VKORC1L1: variants seen among roughly 807,000 people sequenced by gnomAD.
VKORC1L1 encodes vitamin K epoxide reductase complex subunit 1-like protein 1.
A neutral mutation model predicts 18.9 loss-of-function variants in VKORC1L1; 2 were observed. The ratio of observed to expected loss-of-function variants is 0.11; its 90% CI spans 0.04 to 0.33. The LOEUF (loss-of-function observed/expected upper bound fraction) is 0.33. Among genes scored for constraint, VKORC1L1 ranks in the 10% least tolerant of loss-of-function variants. The pLI is 1.00. For synonymous variants in VKORC1L1, 96 were observed against 100.0 expected, an observed-to-expected ratio of 0.96 and a Z score of 0.24; for missense variants, 123 against 224.1, an observed-to-expected ratio of 0.55 and a Z score of 2.88.
At chr7:65,882,100 C>T (rs1788938054) in intron 1 of VKORC1L1, among the ~76,000 whole-genome samples, 1 of 150,352 alleles carries the variant, frequency 6.7e-6, no homozygotes, top group South Asian at 2.1e-4. Flanking sequence ...ATAAAATAGA[C>T]TGGGTGTAGT....
chr7:65,959,422 G>GAACA lies in VKORC1L1; in HGVS notation c.*5123_*5126dup, dbSNP rs1257216531. 3 of 152,102 alleles carry GAACA rather than the reference G, an allele frequency of 2.0e-5. No individual in the cohort carries two copies. The highest frequency in any genetic ancestry group is 7.2e-5 in the African/African-American group (3 of 41,406). The allele number at this position is 152,102 out of a possible 1,614,324, so 9.4% of individuals were successfully genotyped here. A position where few individuals can be genotyped will look rare whatever the true frequency, so the allele number is the denominator to read the frequency against. ...TTATTCATTATACTTTGACATACTG[G>GAACA]AACACAAAACTTGATTCCTTTGAAA... On this transcript the variant is annotated 3_prime_UTR_variant, in exon 3 of 3. Transcript: ENST00000360768.
At chr7:65,946,350 G>A (rs1417103156) in intron 1 of VKORC1L1, among the ~76,000 whole-genome samples, 3 of 152,020 alleles carry the variant, frequency 2.0e-5, no homozygotes, top group Non-Finnish European at 2.9e-5. Flanking sequence ...GGTCCTTCCC[G>A]ACCATCAAGC....
chr7:65,954,008 C>T, intron 2 of VKORC1L1, 66 bp from the exon 3 acceptor site: 4 of 1,436,364 alleles, frequency 2.8e-6, no homozygotes, highest in Non-Finnish European at 3.8e-6. Context: ...AGTGTTATTC[C>T]TTGTCACTCA....
rs1019474862 is a variant in VKORC1L1 at position 65,956,717 on chromosome 7, C to T, written c.*2417C>T. ...TGCCCTGGAGAATTCAGATTCCTTT[C>T]TATACCTCCGATTCTGCCCAGAAGA... On this transcript the variant is annotated 3_prime_UTR_variant, in exon 3 of 3. Coordinates refer to ENST00000360768, the MANE Select transcript of VKORC1L1 (RefSeq NM_173517.6). 2.0e-5 allele frequency: 3 copies of T among 152,152 alleles called. No individual in the cohort carries two copies. The highest frequency in any genetic ancestry group is 4.4e-5 in the Non-Finnish European group (3 of 68,038). 9.4% of individuals were successfully genotyped at this position (152,152 alleles called of 1,614,324 possible).
At chr7:65,947,365 G>C (rs888975895) in intron 1 of VKORC1L1, among the ~76,000 whole-genome samples, 11 of 147,666 alleles carry the variant, frequency 7.4e-5, no homozygotes, top group African/African-American at 2.7e-4. Flanking sequence ...CAGAACCAAA[G>C]TTTAGATTTT....
At chr7:65,915,633 G>GTTTT (rs34639789) in intron 1 of VKORC1L1, among the ~76,000 whole-genome samples, 1 of 143,328 alleles carries the variant, frequency 7.0e-6, no homozygotes, top group Non-Finnish European at 1.5e-5. Context: ...AAAGAAACCA[G>GTTTT]TTTTTTTTTT....
At chr7:65,890,255 C>T (rs113691086) in intron 1 of VKORC1L1, among the ~76,000 whole-genome samples, 8 of 151,798 alleles carry the variant, frequency 5.3e-5, no homozygotes, top group South Asian at 2.1e-4. Context: ...CTCAGCCTCC[C>T]GAGTAACTGG....
At chr7:65,885,294 G>A (rs1259154944) in intron 1 of VKORC1L1, among the ~76,000 whole-genome samples, 1 of 151,916 alleles carries the variant, frequency 6.6e-6, no homozygotes, top group Non-Finnish European at 1.5e-5. Flanking sequence ...TGTCACAATG[G>A]TTAATCTTTT....
chr7:65,939,439 A>C (rs1789999159), intron 1 of VKORC1L1, among the ~76,000 whole-genome samples: 1 of 152,216 alleles, frequency 6.6e-6, no homozygotes, highest in African/African-American at 2.4e-5. Context: ...GATGGCTATC[A>C]TGGATTTGGT....
intron 1 of VKORC1L1, among the ~76,000 whole-genome samples, chr7:65,881,138 G>GTACTACAT (rs2116332297): frequency 6.6e-6 from 1 of 152,274 alleles, no homozygotes; most frequent in East Asian, 1.9e-4. Flanking sequence ...TATTCAACCT[G>GTACTACAT]TACTACATTG....
At chr7:65,908,011 G>C (rs983056199) in intron 1 of VKORC1L1, among the ~76,000 whole-genome samples, 1 of 152,134 alleles carries the variant, frequency 6.6e-6, no homozygotes, top group Non-Finnish European at 1.5e-5. Context: ...TGTCAGATCT[G>C]TTAACTCCTT....
intron 2 of VKORC1L1, among the ~76,000 whole-genome samples, chr7:65,951,357 C>A (rs1197493930): frequency 6.6e-6 from 1 of 151,948 alleles, no homozygotes. Context: ...GGGTGGATCA[C>A]GAGGTCAGGA....
At chr7:65,952,778 CTTTTTTTTT>C (rs11395208) in intron 2 of VKORC1L1, among the ~76,000 whole-genome samples, 1 of 86,610 alleles carries the variant, frequency 1.2e-5, no homozygotes, top group Non-Finnish European at 2.0e-5. Context: ...TTTTTTTTTC[CTTTTTTTTT>C]TTTTTTTTTT....
At chr7:65,905,182 C>A (rs1339707993) in intron 1 of VKORC1L1, among the ~76,000 whole-genome samples, 1 of 152,068 alleles carries the variant, frequency 6.6e-6, no homozygotes, top group Non-Finnish European at 1.5e-5. Flanking sequence ...AACATTTGGA[C>A]CTGTAATAAA....
intron 1 of VKORC1L1, among the ~76,000 whole-genome samples, chr7:65,893,494 G>T (rs1043218186): frequency 2.7e-4 from 41 of 152,266 alleles, no homozygotes; most frequent in African/African-American, 9.9e-4. Flanking sequence ...AGTGAGCCGA[G>T]ATCATGCCAC....
In VKORC1L1 at chr7:65,947,138, AAAAAC is replaced by A. The variant is rs199736138; in HGVS notation, c.195-1514_195-1510del. 4.6e-3 allele frequency among the ~76,000 whole-genome samples: 706 copies of A among 152,256 alleles called. 9 individuals are homozygous for A. The highest frequency in any genetic ancestry group is 7.5e-3 in the East Asian group (39 of 5,186). On this transcript the variant is annotated intron_variant, in intron 1 of 2. Transcript: ENST00000360768. ...GCAACAGAGGAACATCCTGTCTCAA[AAAAAC>A]AAAACAAAACAAAACAAACAAAAAG...
chr7:65,882,924 C>A (rs527373678), intron 1 of VKORC1L1, among the ~76,000 whole-genome samples: 1 of 152,082 alleles, frequency 6.6e-6, no homozygotes, highest in African/African-American at 2.4e-5. Context: ...CCTTAGATAG[C>A]GTTAATGTAC....
At chr7:65,904,182 G>T (rs1403005620) in intron 1 of VKORC1L1, among the ~76,000 whole-genome samples, 1 of 152,178 alleles carries the variant, frequency 6.6e-6, no homozygotes, top group African/African-American at 2.4e-5. Flanking sequence ...AATGGAAGGG[G>T]ACGGGAAGGG....
chr7:65,926,571 T>C (rs1789769153), intron 1 of VKORC1L1, among the ~76,000 whole-genome samples: 1 of 152,192 alleles, frequency 6.6e-6, no homozygotes, highest in African/African-American at 2.4e-5. Flanking sequence ...TAGAACTAAC[T>C]ACCATTTGAT....
Sources: gnomAD v4.1 joint callset for allele counts (sites outside exome capture counted in the v4.1 genomes callset) on GRCh38, gnomAD v4.1.1 for gene constraint, MANE v1.5 for transcripts, NCBI Gene and HGNC (gene_info 2026-07-23, HGNC 2026-07-21) for gene names.